SPATS2L: variants seen among roughly 807,000 people sequenced by gnomAD.
SPATS2L encodes SPATS2-like protein.
SPATS2L carries 30 observed loss-of-function variants against 59.6 expected under a neutral mutation model. The ratio of observed to expected loss-of-function variants is 0.50; its 90% confidence interval spans 0.38 to 0.68. The LOEUF (loss-of-function observed/expected upper bound fraction) is 0.68, where lower values mean the gene tolerates loss of function less well. Ranked by LOEUF, SPATS2L falls within the 30% of genes least tolerant of loss-of-function variation. The probability of loss-of-function intolerance (pLI) is 0.00; values close to 1 mark genes in which losing one functional copy is unlikely to be tolerated. For synonymous variants in SPATS2L, 252 were observed against 263.5 expected, an observed-to-expected ratio of 0.96 and a Z score of 0.42; for missense variants, 615 against 700.0, an observed-to-expected ratio of 0.88 and a Z score of 1.37.
At chr2:200,408,389 G>A (rs2082761695) in intron 3 of SPATS2L, among the ~76,000 whole-genome samples, 1 of 152,172 alleles carries the variant, frequency 6.6e-6, no homozygotes, top group Non-Finnish European at 1.5e-5. Flanking sequence ...ATATACTCCA[G>A]GAAGAGCAGC....
intron 1 of SPATS2L, among the ~76,000 whole-genome samples, chr2:200,314,977 A>G (rs902663367): frequency 6.6e-6 from 1 of 152,222 alleles, no homozygotes; most frequent in Non-Finnish European, 1.5e-5. Context: ...TAAAAATGTG[A>G]TTACTTAGTG....
intron 4 of SPATS2L, among the ~76,000 whole-genome samples, chr2:200,412,820 G>A (rs2082925788): frequency 6.6e-6 from 1 of 152,152 alleles, no homozygotes; most frequent in Non-Finnish European, 1.5e-5. Flanking sequence ...GGAAGGCGAA[G>A]GTGGGCAGAT....
At chr2:200,345,915 C>G (rs2080497241) in intron 2 of SPATS2L, among the ~76,000 whole-genome samples, 1 of 152,112 alleles carries the variant, frequency 6.6e-6, no homozygotes, top group East Asian at 1.9e-4. Flanking sequence ...GCAGTTGAAG[C>G]AAACTGTAAC....
chr2:200,360,988 T>TGTGTGG (rs2081081800), intron 2 of SPATS2L, among the ~76,000 whole-genome samples: 2 of 151,360 alleles, frequency 1.3e-5, no homozygotes, highest in South Asian at 4.2e-4. Context: ...TGTGTGTGTG[T>TGTGTGG]GTGTGTGTGA....
intron 3 of SPATS2L, among the ~76,000 whole-genome samples, chr2:200,400,567 C>A (rs1458381571): frequency 6.6e-6 from 1 of 152,148 alleles, no homozygotes; most frequent in African/African-American, 2.4e-5. Context: ...AAAAGTTGAT[C>A]ATGGACTAAA....
At chr2:200,378,781 T>A (rs1182601663) in intron 2 of SPATS2L, among the ~76,000 whole-genome samples, 1 of 152,202 alleles carries the variant, frequency 6.6e-6, no homozygotes, top group Non-Finnish European at 1.5e-5. Flanking sequence ...GAGTTAGCTA[T>A]AAACACAGAG....
intron 8 of SPATS2L, among the ~76,000 whole-genome samples, chr2:200,446,316 CAG>C (rs766977400): frequency 1.2e-4 from 19 of 152,144 alleles, no homozygotes; most frequent in Non-Finnish European, 2.4e-4. Flanking sequence ...GCCTAGGTGA[CAG>C]AGTGAGACCC....
chr2:200,396,033 A>AAAAAAATATATATATATATAT (rs1553520464), intron 3 of SPATS2L, among the ~76,000 whole-genome samples: 1 of 21,144 alleles, frequency 4.7e-5, no homozygotes, highest in Non-Finnish European at 9.0e-5. Flanking sequence ...AAAAAAAAAA[A>AAAAAAATATATATATATATAT]ATATATATAT....
chr2:200,339,582 C>T (rs897297525), intron 2 of SPATS2L, among the ~76,000 whole-genome samples: 11 of 152,062 alleles, frequency 7.2e-5, no homozygotes, highest in Admixed American at 5.9e-4. Context: ...AGATTCAGTA[C>T]CTAAAACCCA....
chr2:200,465,667 G>T (rs928871923), intron 9 of SPATS2L, among the ~76,000 whole-genome samples: 1 of 152,192 alleles, frequency 6.6e-6, no homozygotes, highest in African/African-American at 2.4e-5. Flanking sequence ...GCATAGTTTG[G>T]CAGATGATAA....
chr2:200,408,424 G>C (rs2082762931), intron 3 of SPATS2L, among the ~76,000 whole-genome samples: 1 of 152,212 alleles, frequency 6.6e-6, no homozygotes, highest in Non-Finnish European at 1.5e-5. Flanking sequence ...TTGCAGGGGA[G>C]AGACTGGAAG....
intron 8 of SPATS2L, among the ~76,000 whole-genome samples, chr2:200,447,713 G>A (rs2085143028): frequency 6.6e-6 from 1 of 152,154 alleles, no homozygotes; most frequent in African/African-American, 2.4e-5. Flanking sequence ...TAGTGTAGTT[G>A]TACAGTAATA....
At chr2:200,384,017 G>C (rs968177282) in intron 2 of SPATS2L, 8 of 1,001,262 alleles carry the variant, frequency 8.0e-6, no homozygotes, top group Non-Finnish European at 4.8e-6. Flanking sequence ...CGATTTGATA[G>C]GTCAGTACAT....
At chr2:200,338,583 C>G (rs1285398359) in intron 2 of SPATS2L, among the ~76,000 whole-genome samples, 2 of 152,176 alleles carry the variant, frequency 1.3e-5, no homozygotes, top group East Asian at 3.9e-4. Flanking sequence ...TTGATACAAC[C>G]TCCCCAAAGG....
chr2:200,315,607 C>T (rs79461287), intron 1 of SPATS2L, among the ~76,000 whole-genome samples: 4,369 of 151,988 alleles, frequency 0.029, 71 homozygotes, highest in Middle Eastern at 0.072. Flanking sequence ...ATCTGGAGTC[C>T]GAATATTATG....
At chr2:200,339,493 T>A (rs2105815786) in intron 2 of SPATS2L, among the ~76,000 whole-genome samples, 1 of 152,338 alleles carries the variant, frequency 6.6e-6, no homozygotes. Context: ...TGCAGAGTAT[T>A]GAAATGTTTA....
chr2:200,362,210 T>G (rs970780449), intron 2 of SPATS2L, among the ~76,000 whole-genome samples: 5 of 152,216 alleles, frequency 3.3e-5, no homozygotes, highest in Admixed American at 3.3e-4. Flanking sequence ...ATGGAGCCAC[T>G]GCACTGTAGC....
intron 6 of SPATS2L, among the ~76,000 whole-genome samples, chr2:200,430,716 T>C (rs920486471): frequency 8.4e-6 from 1 of 119,744 alleles, no homozygotes; most frequent in Admixed American, 8.2e-5. Flanking sequence ...AATTGTTTCC[T>C]TTTTTTTTTT....
chr2:200,416,932 A>G (rs182183478), intron 5 of SPATS2L, among the ~76,000 whole-genome samples: 2 of 152,320 alleles, frequency 1.3e-5, no homozygotes, highest in African/African-American at 4.8e-5. Context: ...GAACCATAGT[A>G]AGTAAGGGGC....
Sources: allele counts gnomAD v4.1 joint callset (sites outside exome capture counted in the v4.1 genomes callset), GRCh38; gene constraint gnomAD v4.1.1; transcripts MANE v1.5; gene names NCBI Gene and HGNC (gene_info 2026-07-23, HGNC 2026-07-21).